OPCML: variants seen among roughly 807,000 people sequenced by gnomAD.
OPCML encodes opioid binding protein/cell adhesion molecule like, also known as opioid-binding protein/cell adhesion molecule.
In OPCML, 13 loss-of-function variants were observed where a neutral mutation model predicts 37.8. The ratio of observed to expected loss-of-function variants is 0.34; its 90% CI spans 0.22 to 0.55. The LOEUF (loss-of-function observed/expected upper bound fraction) is 0.55. Ranked by LOEUF, OPCML falls within the 20% of genes least tolerant of loss-of-function variation. The pLI, the probability that OPCML is intolerant of heterozygous loss-of-function variation, is 0.91. For missense variants in OPCML, 341 were observed against 435.6 expected, an observed-to-expected ratio of 0.78 and a Z score of 1.93; for synonymous variants, 176 against 168.8, an observed-to-expected ratio of 1.04 and a Z score of -0.33.
intron 2 of OPCML, among the ~76,000 whole-genome samples, chr11:132,710,305 G>A (rs1420376240): frequency 6.6e-6 from 1 of 152,146 alleles, no homozygotes; most frequent in East Asian, 1.9e-4. Flanking sequence ...AGCATAGTAT[G>A]TCTACTTTAG....
chr11:132,491,672 A>T (rs547266379), intron 4 of OPCML, among the ~76,000 whole-genome samples: 10 of 152,344 alleles, frequency 6.6e-5, no homozygotes, highest in Admixed American at 1.3e-4. Flanking sequence ...CAACATATAC[A>T]TGCTAAGCCT....
intron 1 of OPCML, among the ~76,000 whole-genome samples, chr11:133,087,643 G>A (rs546345947): frequency 1.6e-4 from 25 of 152,300 alleles, no homozygotes; most frequent in African/African-American, 5.1e-4. Context: ...TAGCCAACAC[G>A]TATGACTACA....
chr11:133,268,132 C>T (rs1414642037), intron 1 of OPCML, among the ~76,000 whole-genome samples: 1 of 152,146 alleles, frequency 6.6e-6, no homozygotes, highest in East Asian at 1.9e-4. Flanking sequence ...TTTCTGGCAA[C>T]CCCTCAAGGC....
At chr11:132,718,912 C>T (rs11823727) in intron 2 of OPCML, among the ~76,000 whole-genome samples, 13,596 of 152,192 alleles carry the variant, frequency 0.089, 1,827 homozygotes, top group African/African-American at 0.29. Context: ...TAGGGCTCCT[C>T]GCCAGATCTC....
intron 1 of OPCML, among the ~76,000 whole-genome samples, chr11:133,039,584 T>C (rs983634184): frequency 1.3e-5 from 2 of 152,238 alleles, no homozygotes; most frequent in South Asian, 4.1e-4. Context: ...GCATTCCCAG[T>C]GTCTGGGTGG....
chr11:133,363,862 A>T (rs950130164), intron 1 of OPCML, among the ~76,000 whole-genome samples: 7 of 152,168 alleles, frequency 4.6e-5, no homozygotes, highest in Non-Finnish European at 1.0e-4. Flanking sequence ...TTGGTTTAGC[A>T]TGGTACCCAA....
chr11:132,644,480 GA>G (rs1399030418), intron 3 of OPCML, among the ~76,000 whole-genome samples: 1 of 151,350 alleles, frequency 6.6e-6, no homozygotes, highest in African/African-American at 2.4e-5. Context: ...CAGAAATTAA[GA>G]AAAAATAAGA....
At chr11:132,782,291 C>T (rs1364884071) in intron 2 of OPCML, among the ~76,000 whole-genome samples, 3 of 151,804 alleles carry the variant, frequency 2.0e-5, no homozygotes, top group African/African-American at 4.8e-5. Context: ...TCCATGGAGA[C>T]AGCTGGGTGC....
In OPCML at chr11:133,039,688, G is replaced by A. The variant is rs1947849516; in HGVS notation, c.62-96678C>T. On this transcript the variant is annotated intron_variant, in intron 1 of 7. Coordinates refer to ENST00000524381, the MANE Select transcript of OPCML (RefSeq NM_001012393.5). ...CAAAACGTCCTTCTTGGCAGTCATG[G>A]GTGGGTGTATCTGTGTGTGAATTTC... is the stretch of plus-strand genomic sequence containing the variant. 3.3e-5 allele frequency among the ~76,000 whole-genome samples: 5 copies of A among 152,230 alleles called. No homozygotes were observed. The South Asian group carries it at 1.0e-3, about 32-fold the overall frequency.
intron 2 of OPCML, among the ~76,000 whole-genome samples, chr11:132,743,643 A>G (rs1201227003): frequency 1.3e-5 from 2 of 152,208 alleles, no homozygotes; most frequent in Non-Finnish European, 2.9e-5. Context: ...GAAAAGCCAA[A>G]CTTCTGTATT....
rs368018594 is a variant in OPCML at position 132,666,394 on chromosome 11, T to C, written c.147-9075A>G. On this transcript the variant is annotated intron_variant, in intron 2 of 7. Coordinates refer to ENST00000524381, the MANE Select transcript of OPCML (RefSeq NM_001012393.5). ...AACAGAGCCAGAAATCATTCCTCAC[T>C]CATTACAGCCAGGAGGGCACCATAT... is the stretch of plus-strand genomic sequence containing the variant. Among the ~76,000 whole-genome samples the C allele has an allele frequency of 4.6e-5, 7 of 151,940 alleles. No individual in the cohort carries two copies. The East Asian group carries it at 1.4e-3, about 29-fold the overall frequency.
chr11:132,773,685 A>C (rs923803629), intron 2 of OPCML, among the ~76,000 whole-genome samples: 2 of 152,200 alleles, frequency 1.3e-5, no homozygotes, highest in African/African-American at 4.8e-5. Context: ...TGAACAATTC[A>C]TAGAGGATGC....
intron 1 of OPCML, among the ~76,000 whole-genome samples, chr11:133,276,344 G>C (rs1338082993): frequency 6.6e-6 from 1 of 152,154 alleles, no homozygotes; most frequent in Admixed American, 6.5e-5. Flanking sequence ...CAAGAGCAAG[G>C]GAGAAAAGGA....
intron 3 of OPCML, among the ~76,000 whole-genome samples, chr11:132,582,576 A>G (rs997401876): frequency 1.3e-5 from 2 of 152,164 alleles, no homozygotes; most frequent in African/African-American, 4.8e-5. Flanking sequence ...GGAATATTCA[A>G]CTAAACAAGT....
chr11:133,169,247 G>GTGA (rs1289614109), intron 1 of OPCML, among the ~76,000 whole-genome samples: 1 of 152,214 alleles, frequency 6.6e-6, no homozygotes, highest in Non-Finnish European at 1.5e-5. Flanking sequence ...CAGCTGGAAA[G>GTGA]TGATAGTGTC....
chr11:132,592,543 C>T (rs1347783925), intron 3 of OPCML, among the ~76,000 whole-genome samples: 3 of 152,176 alleles, frequency 2.0e-5, no homozygotes, highest in African/African-American at 7.2e-5. Context: ...TGTATATAAA[C>T]TAGTGGTTTA....
intron 2 of OPCML, among the ~76,000 whole-genome samples, chr11:132,715,877 GGAATAGAGGTAGAA>G (rs1277428803): frequency 6.6e-6 from 1 of 152,106 alleles, no homozygotes; most frequent in African/African-American, 2.4e-5. Flanking sequence ...ATTAGTGGTC[GGAATAGAGGTAGAA>G]GCATGTGAAG....
intron 1 of OPCML, among the ~76,000 whole-genome samples, chr11:133,082,429 CT>C (rs1948741059): frequency 8.6e-6 from 1 of 116,062 alleles, no homozygotes; most frequent in Non-Finnish European, 1.9e-5. Flanking sequence ...ATCCTCCCCC[CT>C]CCCCATCCTT....
intron 1 of OPCML, among the ~76,000 whole-genome samples, chr11:133,029,028 A>C (rs1179428706): frequency 6.6e-6 from 1 of 152,234 alleles, no homozygotes; most frequent in African/African-American, 2.4e-5. Flanking sequence ...GCAAAAAGCA[A>C]ATAACCTCAT....
Sources: gnomAD v4.1 joint callset for allele counts (sites outside exome capture counted in the v4.1 genomes callset) on GRCh38, gnomAD v4.1.1 for gene constraint, MANE v1.5 for transcripts, NCBI Gene and HGNC (gene_info 2026-07-23, HGNC 2026-07-21) for gene names.